The following EPB41L4A variants were observed in gnomAD, a reference collection of about 807,000 sequenced individuals.
EPB41L4A encodes the protein band 4.1-like protein 4A.
In EPB41L4A, 100 loss-of-function variants were observed where a neutral mutation model predicts 108.6. The observed-to-expected ratio is 0.92, with a 90% CI of 0.78 to 1.09. The LOEUF is 1.09. Among genes scored for constraint, EPB41L4A ranks in the 50% least tolerant of loss-of-function variants. The pLI, the probability that EPB41L4A is intolerant of heterozygous loss-of-function variation, is 0.00. For synonymous variants in EPB41L4A, 319 were observed against 289.0 expected (o/e 1.10, Z -1.05); for missense variants, 1,030 against 842.7 (o/e 1.22, Z -2.75).
chr5:112,297,740 A>G (rs950964703), intron 2 of EPB41L4A, among the ~76,000 whole-genome samples: 8 of 152,110 alleles, frequency 5.3e-5, no homozygotes, highest in African/African-American at 1.7e-4. Context: ...TTCCAATGTT[A>G]TCTTCTAGAA....
intron 6 of EPB41L4A, 132 bp downstream of exon 6, chr5:112,264,764 A>T (rs1383556052): frequency 1.2e-6 from 1 of 806,068 alleles, no homozygotes; most frequent in Non-Finnish European, 1.8e-6. Context: ...AATCAGTTAA[A>T]CTATACAAAG....
rs564888950 is a variant in EPB41L4A at position 112,397,628 on chromosome 5, T to C, written c.99+21313A>G. On this transcript the variant is annotated intron_variant, in intron 1 of 22. Coordinates refer to ENST00000261486, the MANE Select transcript of EPB41L4A (RefSeq NM_022140.5). ...CAACCTCAACAGTAATCAAAAAATA[T>C]AAATAAAACTTTACATTTTCTTTGT... 1.2e-4 allele frequency among the ~76,000 whole-genome samples: 18 copies of C among 152,278 alleles called. No homozygotes were observed. In the East Asian group the frequency reaches 3.5e-3, roughly 29 times the overall value.
At chr5:112,381,016 T>G (rs1372366099) in intron 1 of EPB41L4A, among the ~76,000 whole-genome samples, 1 of 152,184 alleles carries the variant, frequency 6.6e-6, no homozygotes, top group East Asian at 1.9e-4. Context: ...TCAAAAATTT[T>G]TAATTTCAGA....
chr5:112,404,334 C>T (rs941279836), intron 1 of EPB41L4A, among the ~76,000 whole-genome samples: 2 of 152,214 alleles, frequency 1.3e-5, no homozygotes, highest in African/African-American at 4.8e-5. Context: ...GTGTTATTCT[C>T]ATTTCACTGA....
Position 112,409,435 on chromosome 5 carries a change from T to C in EPB41L4A, c.99+9506A>G, listed in dbSNP as rs190680972. Among the ~76,000 whole-genome samples, 41 of 152,254 alleles carry C rather than the reference T, an allele frequency of 2.7e-4. No individual in the cohort carries two copies. In the South Asian group the frequency reaches 8.1e-3, roughly 30 times the overall value. ...TGATGGCTGCACAATTCCGTAAATATATGAACAACCACTGAATTGGACAAT... is the reference window on the plus strand; with the variant it reads ...TGATGGCTGCACAATTCCGTAAATACATGAACAACCACTGAATTGGACAAT... On this transcript the variant is annotated intron_variant, in intron 1 of 22. Coordinates refer to ENST00000261486, the MANE Select transcript of EPB41L4A (RefSeq NM_022140.5).
chr5:112,380,209 A>G (rs1477922295), intron 1 of EPB41L4A, among the ~76,000 whole-genome samples: 1 of 152,168 alleles, frequency 6.6e-6, no homozygotes, highest in African/African-American at 2.4e-5. Context: ...GTGCTACCAA[A>G]TCCTGAGAAA....
intron 7 of EPB41L4A, among the ~76,000 whole-genome samples, chr5:112,262,242 A>G (rs906546350): frequency 1.3e-5 from 2 of 152,098 alleles, no homozygotes; most frequent in African/African-American, 4.8e-5. Flanking sequence ...AGCCCTTTGT[A>G]TCTGTTATCC....
At chr5:112,150,040 A>C (rs1325193594) in intron 12 of EPB41L4A, among the ~76,000 whole-genome samples, 2 of 152,222 alleles carry the variant, frequency 1.3e-5, no homozygotes, top group South Asian at 2.1e-4. Context: ...AGTAGGGATG[A>C]TTAGCCTATG....
intron 3 of EPB41L4A, 35 bp downstream of exon 3, chr5:112,280,237 G>A (rs1041551277): frequency 6.3e-7 from 1 of 1,593,562 alleles, no homozygotes; most frequent in Non-Finnish European, 8.6e-7. Flanking sequence ...TCGTTTTCAA[G>A]CCACCCTTTA....
intron 1 of EPB41L4A, among the ~76,000 whole-genome samples, chr5:112,318,844 G>A (rs1430309646): frequency 6.6e-6 from 1 of 152,076 alleles, no homozygotes; most frequent in Admixed American, 6.6e-5. Flanking sequence ...TTTCAAGATA[G>A]GTAACATACG....
rs1580457749 is a variant in EPB41L4A, at chr5:112,219,443, T to TTATAAA, written c.1088-9462_1088-9461insTTTATA. On this transcript the variant is annotated intron_variant, in intron 12 of 22. Transcript: ENST00000261486. Reference sequence around the variant, plus strand: ...GGAACTGTGAGTCTTTTAAACCTCTTTTCTTTATAAATTTCCCAGTCTCAG... The same window carrying TTATAAA: ...GGAACTGTGAGTCTTTTAAACCTCTTTATAAATTCTTTATAAATTTCCCAGTCTCAG... Among the ~76,000 whole-genome samples, 4 of 152,324 alleles carry TTATAAA rather than the reference T, an allele frequency of 2.6e-5. No homozygotes were observed. In the East Asian group the frequency reaches 7.7e-4, roughly 29 times the overall value.
At chr5:112,149,426 C>T (rs1194660914) in intron 12 of EPB41L4A, among the ~76,000 whole-genome samples, 5 of 152,206 alleles carry the variant, frequency 3.3e-5, no homozygotes, top group Non-Finnish European at 4.4e-5. Flanking sequence ...GAGCTGAGAT[C>T]GCGCCACTGC....
chr5:112,308,678 C>CAGTGGCCTG (rs1230903803), intron 1 of EPB41L4A, among the ~76,000 whole-genome samples: 2 of 152,152 alleles, frequency 1.3e-5, no homozygotes, highest in African/African-American at 2.4e-5. Flanking sequence ...CACAATGCCA[C>CAGTGGCCTG]AGTGGCCTGT....
At chr5:112,385,840 G>C (rs1230799849) in intron 1 of EPB41L4A, among the ~76,000 whole-genome samples, 1 of 152,184 alleles carries the variant, frequency 6.6e-6, no homozygotes, top group Non-Finnish European at 1.5e-5. Context: ...CAAGCTCCTA[G>C]TGGGTGTTCA....
chr5:112,370,118 G>A (rs552450241), intron 1 of EPB41L4A, among the ~76,000 whole-genome samples: 49 of 152,104 alleles, frequency 3.2e-4, no homozygotes, highest in African/African-American at 1.1e-3. Context: ...TCAGCCTCCC[G>A]GGCACAAGCA....
intron 14 of EPB41L4A, 100 bp from the exon 15 acceptor site, chr5:112,204,588 A>G: frequency 1.5e-6 from 1 of 672,050 alleles, no homozygotes; most frequent in Non-Finnish European, 2.7e-6. Flanking sequence ...TGGTACTTCC[A>G]GAGGCACATG....
At chr5:112,326,101 G>T (rs142183269) in intron 1 of EPB41L4A, among the ~76,000 whole-genome samples, 316 of 152,218 alleles carry the variant, frequency 2.1e-3, no homozygotes, top group Middle Eastern at 6.8e-3. Flanking sequence ...AGTAAGCTAT[G>T]ATCATACCAC....
intron 1 of EPB41L4A, among the ~76,000 whole-genome samples, chr5:112,316,949 C>G (rs1755466665): frequency 6.6e-6 from 1 of 152,172 alleles, no homozygotes; most frequent in South Asian, 2.1e-4. Flanking sequence ...TGACTTAGGG[C>G]TCCAAGAGAC....
At chr5:112,189,002 T>C (rs964781229) in intron 17 of EPB41L4A, among the ~76,000 whole-genome samples, 1 of 152,206 alleles carries the variant, frequency 6.6e-6, no homozygotes, top group Admixed American at 6.5e-5. Flanking sequence ...AAAAACAATA[T>C]AAAAGACCTT....
Sources: gnomAD v4.1 joint callset for allele counts (sites outside exome capture counted in the v4.1 genomes callset) on GRCh38, gnomAD v4.1.1 for gene constraint, MANE v1.5 for transcripts, NCBI Gene and HGNC (gene_info 2026-07-23, HGNC 2026-07-21) for gene names.